The following USP34 variants were observed in gnomAD, a reference collection of about 807,000 sequenced individuals.
USP34 encodes ubiquitin carboxyl-terminal hydrolase 34.
USP34 carries 70 observed loss-of-function variants against 460.3 expected under a neutral mutation model. That is an observed-to-expected ratio of 0.15 (90% CI 0.13 to 0.19). USP34 has a LOEUF of 0.19. USP34 is among the 10% of genes least tolerant of loss of function. USP34 has a pLI of 1.00. For missense variants in USP34, 3,985 were observed against 4,236.2 expected (o/e 0.94, Z 1.65); for synonymous variants, 1,647 against 1,405.3 (o/e 1.17, Z -3.85).
intron 41 of USP34, among the ~76,000 whole-genome samples, chr2:61,269,287 C>CGTA (rs1021127748): frequency 3.8e-4 from 57 of 150,926 alleles, no homozygotes; most frequent in African/African-American, 1.3e-3. Flanking sequence ...CAGCCTCCTG[C>CGTA]GTAGCTTGGA....
intron 3 of USP34, among the ~76,000 whole-genome samples, chr2:61,404,836 A>AT (rs1317091852): frequency 6.6e-6 from 1 of 152,186 alleles, no homozygotes; most frequent in Non-Finnish European, 1.5e-5. Flanking sequence ...GAAATCAATC[A>AT]TATTATCTGA....
intron 1 of USP34, among the ~76,000 whole-genome samples, chr2:61,434,481 G>C (rs1694759832): frequency 1.3e-5 from 2 of 152,160 alleles, no homozygotes; most frequent in African/African-American, 4.8e-5. Flanking sequence ...CAGTCCTGTG[G>C]CTTCAACCCC....
At chr2:61,334,750 G>C (rs1362469946) in intron 18 of USP34, among the ~76,000 whole-genome samples, 2 of 152,152 alleles carry the variant, frequency 1.3e-5, no homozygotes, top group Admixed American at 6.5e-5. Flanking sequence ...TGAGTTCAGT[G>C]AATAATGGTG....
intron 1 of USP34, among the ~76,000 whole-genome samples, chr2:61,462,142 G>C (rs1234451664): frequency 6.6e-6 from 1 of 151,982 alleles, no homozygotes; most frequent in East Asian, 1.9e-4. Flanking sequence ...AGGAGGTTGA[G>C]GCAGGAAAAT....
At chr2:61,413,345 C>T (rs371788226) in intron 2 of USP34, among the ~76,000 whole-genome samples, 11 of 151,610 alleles carry the variant, frequency 7.3e-5, no homozygotes, top group South Asian at 2.1e-4. Flanking sequence ...GAGCCAAGAT[C>T]GCGCCATTGC....
At chr2:61,300,234 G>A (rs761206043) in intron 29 of USP34, among the ~76,000 whole-genome samples, 3 of 152,082 alleles carry the variant, frequency 2.0e-5, no homozygotes, top group Non-Finnish European at 4.4e-5. Flanking sequence ...GACTCACGAT[G>A]ACGCAAAAGG....
intron 34 of USP34, among the ~76,000 whole-genome samples, chr2:61,286,351 T>G (rs1689689062): frequency 6.6e-6 from 1 of 152,016 alleles, no homozygotes; most frequent in Non-Finnish European, 1.5e-5. Context: ...ACACCTTTTC[T>G]AAAATTAAAA....
Position 61,348,774 on chromosome 2 carries a change from T to C in USP34, c.1656A>G (p.Gln552=). The change falls in exon 14 of 80, where the codon CAA becomes CAG. Residue 552 remains glutamine (Q), a synonymous_variant. Coordinates refer to ENST00000398571, the MANE Select transcript of USP34 (RefSeq NM_014709.4). ...QLINRTKHVQ[Q]RLSDTEESMQ... is the part of the protein sequence containing the mutation. ...TTCATACCTCTGTGTCTGAAAGTCGTTGTTGCACATGTTTGGTTCTATTAA... is the reference window on the plus strand; with the variant it reads ...TTCATACCTCTGTGTCTGAAAGTCGCTGTTGCACATGTTTGGTTCTATTAA... 1 of 1,612,314 alleles carries C rather than the reference T, an allele frequency of 6.2e-7. No individual in the cohort carries two copies. Among genetic ancestry groups the C allele is most frequent in the Non-Finnish European group, 8.5e-7 (1 of 1,179,502 alleles).
At chr2:61,443,246 CAAT>C (rs1394241626) in intron 1 of USP34, among the ~76,000 whole-genome samples, 2 of 152,032 alleles carry the variant, frequency 1.3e-5, no homozygotes, top group Middle Eastern at 3.4e-3. Context: ...CTACAGTTAA[CAAT>C]AATACATTAT....
At chr2:61,253,921 G>T (rs1688653942) in intron 48 of USP34, among the ~76,000 whole-genome samples, 1 of 152,110 alleles carries the variant, frequency 6.6e-6, no homozygotes, top group African/African-American at 2.4e-5. Context: ...TTTTAGTAGA[G>T]ACAGGGTTTC....
chr2:61,358,747 G>A (rs1345725017), intron 10 of USP34, among the ~76,000 whole-genome samples: 1 of 152,118 alleles, frequency 6.6e-6, no homozygotes, highest in Non-Finnish European at 1.5e-5. Context: ...GAACTACTAA[G>A]CTGAGAAGCA....
intron 67 of USP34, among the ~76,000 whole-genome samples, chr2:61,215,843 A>C (rs902134436): frequency 1.3e-5 from 2 of 152,216 alleles, no homozygotes; most frequent in African/African-American, 4.8e-5. Flanking sequence ...ACTTTCACTC[A>C]GGCTTACAAC....
chr2:61,374,569 C>G (rs1427824657), intron 8 of USP34, among the ~76,000 whole-genome samples: 3 of 151,984 alleles, frequency 2.0e-5, no homozygotes, highest in African/African-American at 7.3e-5. Flanking sequence ...ACAGAGATGA[C>G]CAAATCTGCA....
chr2:61,210,954 A>G (rs569573573), intron 69 of USP34, among the ~76,000 whole-genome samples: 16 of 152,296 alleles, frequency 1.1e-4, no homozygotes, highest in African/African-American at 3.1e-4. Flanking sequence ...TTTTTGAAAT[A>G]AAGCTTTAAG....
chr2:61,243,066 G>A (rs1019129359), intron 51 of USP34, among the ~76,000 whole-genome samples: 1 of 151,884 alleles, frequency 6.6e-6, no homozygotes. Flanking sequence ...GGATGGTCTC[G>A]AACTCCTGAC....
At chr2:61,196,928 C>T (rs1044766977) in intron 75 of USP34, among the ~76,000 whole-genome samples, 3 of 152,176 alleles carry the variant, frequency 2.0e-5, no homozygotes, top group African/African-American at 4.8e-5. Context: ...CTTTTATGAT[C>T]TCTAATCACT....
intron 10 of USP34, among the ~76,000 whole-genome samples, chr2:61,351,412 C>G (rs113126150): frequency 8.4e-4 from 127 of 152,038 alleles, no homozygotes; most frequent in African/African-American, 2.8e-3. Context: ...CATGTAAATT[C>G]ATGAGGGACA....
At position 61,235,806 on chromosome 2, in the gene USP34, ATCTT is replaced by A. The variant is rs780072565; in HGVS notation, c.7032+35_7032+38del. 2.5e-6 allele frequency: 4 copies of A among 1,591,418 alleles called. No individual in the cohort carries two copies. In the African/African-American group the frequency reaches 5.4e-5, roughly 22 times the overall value. Reference sequence around the variant, plus strand: ...ATCAGAGGGGGGGAAAAAAAAAAGAATCTTAAACTATGCATTAGTTGTTGAATTA... The same window carrying A: ...ATCAGAGGGGGGGAAAAAAAAAAGAAAAACTATGCATTAGTTGTTGAATTA... On this transcript the variant is annotated intron_variant, in intron 57 of 79. Coordinates refer to ENST00000398571, the MANE Select transcript of USP34 (RefSeq NM_014709.4).
At chr2:61,282,329 A>C (rs1689559566) in intron 37 of USP34, among the ~76,000 whole-genome samples, 1 of 152,182 alleles carries the variant, frequency 6.6e-6, no homozygotes, top group African/African-American at 2.4e-5. Context: ...GTGACTTTGG[A>C]GCTAAATATA....
Sources: allele counts gnomAD v4.1 joint callset (sites outside exome capture counted in the v4.1 genomes callset), GRCh38; gene constraint gnomAD v4.1.1; transcripts MANE v1.5; gene names NCBI Gene and HGNC (gene_info 2026-07-23, HGNC 2026-07-21).